Variants in JARID2 observed in about 807,000 individuals in gnomAD.
The protein encoded by JARID2 is protein Jumonji.
JARID2 carries 21 observed loss-of-function variants against 125.6 expected under a neutral mutation model. The ratio of observed to expected loss-of-function variants is 0.17; its 90% CI spans 0.12 to 0.24. The LOEUF is 0.24. Ranked by LOEUF, JARID2 falls within the 10% of genes least tolerant of loss-of-function variation. JARID2 has a pLI of 1.00. For missense variants in JARID2, 1,303 were observed against 1,639.6 expected (o/e 0.79, Z 3.55); for synonymous variants, 736 against 661.6 (o/e 1.11, Z -1.73).
At chr6:15,484,218 G>A (rs1769758012) in intron 5 of JARID2, among the ~76,000 whole-genome samples, 1 of 152,080 alleles carries the variant, frequency 6.6e-6, no homozygotes, top group Non-Finnish European at 1.5e-5. Flanking sequence ...TTTTTGCTCA[G>A]GCAGGTGATT....
At chr6:15,356,014 T>C (rs1438278382) in intron 1 of JARID2, among the ~76,000 whole-genome samples, 1 of 152,148 alleles carries the variant, frequency 6.6e-6, no homozygotes, top group Non-Finnish European at 1.5e-5. Flanking sequence ...CAGCCAGCAA[T>C]GTATTTTCTG....
intron 5 of JARID2, among the ~76,000 whole-genome samples, chr6:15,480,160 C>CT (rs920038371): frequency 2.5e-4 from 38 of 152,038 alleles, no homozygotes; most frequent in East Asian, 9.6e-4. Context: ...TACAGTGATT[C>CT]TTTTTTTTGC....
rs538946949 is a variant in JARID2 at position 15,371,807 on chromosome 6, G to A, written c.46-2310G>A. On this transcript the variant is annotated intron_variant, in intron 1 of 17. Transcript: ENST00000341776. ...CTGGCTTCTCTTAGCCTTCATGTCC[G>A]AACCCTGACCCCGTACCGTGGTCTG... is the stretch of plus-strand genomic sequence containing the variant. Among the ~76,000 whole-genome samples the A allele has an allele frequency of 5.9e-5, 9 of 152,292 alleles. No individual in the cohort carries two copies. In the East Asian group the frequency reaches 1.2e-3, roughly 20 times the overall value.
intron 2 of JARID2, among the ~76,000 whole-genome samples, chr6:15,397,870 T>C (rs1765276002): frequency 6.6e-6 from 1 of 152,210 alleles, no homozygotes; most frequent in Non-Finnish European, 1.5e-5. Context: ...TGGTTCATGA[T>C]AGCAATAAAC....
chr6:15,285,642 T>A (rs764759435), intron 1 of JARID2, among the ~76,000 whole-genome samples: 2 of 152,142 alleles, frequency 1.3e-5, no homozygotes, highest in African/African-American at 2.4e-5. Context: ...ACTTTGAAAT[T>A]GCTTTTTATT....
chr6:15,495,742 G>T (rs1238540980), intron 6 of JARID2, among the ~76,000 whole-genome samples: 2 of 152,212 alleles, frequency 1.3e-5, no homozygotes, highest in Non-Finnish European at 2.9e-5. Flanking sequence ...GCAGGATCTT[G>T]CTGTCATCAA....
chr6:15,251,590 C>G (rs574181949), intron 1 of JARID2, among the ~76,000 whole-genome samples: 1 of 152,314 alleles, frequency 6.6e-6, no homozygotes, highest in Non-Finnish European at 1.5e-5. Context: ...GGCTTTCACC[C>G]AGAAGTCTTG....
chr6:15,458,896 T>A (rs1026823683), intron 4 of JARID2, among the ~76,000 whole-genome samples: 1 of 152,214 alleles, frequency 6.6e-6, no homozygotes, highest in East Asian at 1.9e-4. Flanking sequence ...CCTCAGATTC[T>A]GCATGCCCTG....
chr6:15,500,599 A>G (rs1011835161), intron 7 of JARID2, among the ~76,000 whole-genome samples: 4 of 152,106 alleles, frequency 2.6e-5, no homozygotes, highest in Non-Finnish European at 4.4e-5. Flanking sequence ...TCCTCCCTGT[A>G]TGTCTGTCTG....
intron 3 of JARID2, among the ~76,000 whole-genome samples, chr6:15,446,986 A>G (rs1245104343): frequency 6.6e-6 from 1 of 152,190 alleles, no homozygotes; most frequent in African/African-American, 2.4e-5. Context: ...TCATGTGTAC[A>G]GTGAAGGGGA....
intron 1 of JARID2, among the ~76,000 whole-genome samples, chr6:15,330,369 T>G (rs1204949787): frequency 6.6e-6 from 1 of 152,204 alleles, no homozygotes; most frequent in Non-Finnish European, 1.5e-5. Flanking sequence ...GCGCCAGCAT[T>G]GGAATGGTTA....
chr6:15,382,654 T>C (rs1764634016), intron 2 of JARID2, among the ~76,000 whole-genome samples: 1 of 152,184 alleles, frequency 6.6e-6, no homozygotes, highest in African/African-American at 2.4e-5. Context: ...GATGAGAAAC[T>C]TAACTGGAAG....
chr6:15,452,985 C>A (rs1313048891), intron 4 of JARID2, among the ~76,000 whole-genome samples: 1 of 152,142 alleles, frequency 6.6e-6, no homozygotes, highest in African/African-American at 2.4e-5. Context: ...GGTTCATAGT[C>A]ACTTTTATTT....
chr6:15,500,867 TTCAC>T (rs1168982574), intron 7 of JARID2, 36 bp from the exon 8 acceptor site: 1 of 1,549,216 alleles, frequency 6.5e-7, no homozygotes, highest in East Asian at 2.3e-5. Flanking sequence ...TCGTGTCTCT[TTCAC>T]TAACTGTCCC....
At chr6:15,266,125 A>C (rs1238179456) in intron 1 of JARID2, among the ~76,000 whole-genome samples, 1 of 152,286 alleles carries the variant, frequency 6.6e-6, no homozygotes, top group East Asian at 1.9e-4. Context: ...TCCTGGAGAC[A>C]TTTGTGTCTT....
chr6:15,395,790 G>T (rs1490274317), intron 2 of JARID2, among the ~76,000 whole-genome samples: 1 of 151,580 alleles, frequency 6.6e-6, no homozygotes, highest in African/African-American at 2.4e-5. Flanking sequence ...TCAGCCTCCC[G>T]AGTAGCTGGG....
chr6:15,438,336 C>A (rs1167308733), intron 3 of JARID2, among the ~76,000 whole-genome samples: 1 of 152,106 alleles, frequency 6.6e-6, no homozygotes, highest in Non-Finnish European at 1.5e-5. Context: ...ATGCATCCCC[C>A]CTCCCAGTGC....
chr6:15,335,603 C>G (rs1762851761), intron 1 of JARID2, among the ~76,000 whole-genome samples: 1 of 152,136 alleles, frequency 6.6e-6, no homozygotes, highest in African/African-American at 2.4e-5. Context: ...TTGCAGTTCC[C>G]CTTTCTCTGC....
At chr6:15,502,899 G>C (rs1412912387) in intron 8 of JARID2, among the ~76,000 whole-genome samples, 1 of 152,190 alleles carries the variant, frequency 6.6e-6, no homozygotes, top group Non-Finnish European at 1.5e-5. Flanking sequence ...GGTGTTTCCT[G>C]AATGTTTTAC....
Sources: gnomAD v4.1 joint callset for allele counts (sites outside exome capture counted in the v4.1 genomes callset) on GRCh38, gnomAD v4.1.1 for gene constraint, MANE v1.5 for transcripts, NCBI Gene and HGNC (gene_info 2026-07-23, HGNC 2026-07-21) for gene names.